GSK3B: variants seen among roughly 807,000 people sequenced by gnomAD.
The protein encoded by GSK3B is glycogen synthase kinase 3 beta.
A neutral mutation model predicts 56.4 loss-of-function variants in GSK3B; 15 were observed. The observed-to-expected ratio is 0.27, with a 90% CI of 0.18 to 0.41. GSK3B has a LOEUF of 0.41. GSK3B is among the 10% of genes least tolerant of loss of function. GSK3B has a pLI of 1.00. For synonymous variants in GSK3B, 181 were observed against 188.9 expected, an observed-to-expected ratio of 0.96 and a Z score of 0.34; for missense variants, 300 against 513.4, an observed-to-expected ratio of 0.58 and a Z score of 4.02.
intron 1 of GSK3B, among the ~76,000 whole-genome samples, chr3:120,045,791 G>A (rs1231020568): frequency 1.3e-5 from 2 of 152,186 alleles, no homozygotes; most frequent in Non-Finnish European, 2.9e-5. Context: ...AATGTTTACA[G>A]TAGTTTTACT....
At chr3:120,069,210 C>T (rs934555026) in intron 1 of GSK3B, among the ~76,000 whole-genome samples, 1 of 152,082 alleles carries the variant, frequency 6.6e-6, no homozygotes, top group Non-Finnish European at 1.5e-5. Flanking sequence ...AATCACTCTA[C>T]CTCAAGCTGT....
At chr3:119,905,381 A>T (rs2056672633) in intron 7 of GSK3B, among the ~76,000 whole-genome samples, 1 of 152,096 alleles carries the variant, frequency 6.6e-6, no homozygotes, top group South Asian at 2.1e-4. Flanking sequence ...TATGTGCTCC[A>T]CAGAGTATTA....
chr3:120,039,844 GA>G (rs1205159164), intron 1 of GSK3B, among the ~76,000 whole-genome samples: 1 of 152,168 alleles, frequency 6.6e-6, no homozygotes, highest in African/African-American at 2.4e-5. Context: ...GCCTTGCTGA[GA>G]AAACTTTTGG....
intron 10 of GSK3B, among the ~76,000 whole-genome samples, chr3:119,835,343 A>G (rs374699402): frequency 1.3e-4 from 20 of 152,358 alleles, no homozygotes; most frequent in African/African-American, 3.1e-4. Context: ...ATTTAGAAGA[A>G]TAAGTACAGC....
intron 4 of GSK3B, among the ~76,000 whole-genome samples, chr3:119,919,092 T>C (rs1044262217): frequency 2.0e-5 from 3 of 152,176 alleles, no homozygotes; most frequent in African/African-American, 7.2e-5. Flanking sequence ...TGTTTTAGAG[T>C]TGCATTTTAA....
intron 2 of GSK3B, among the ~76,000 whole-genome samples, chr3:119,950,665 A>G (rs968310442): frequency 2.0e-5 from 3 of 152,200 alleles, no homozygotes; most frequent in East Asian, 1.9e-4. Flanking sequence ...TGATGACAGT[A>G]GCAAATCTAC....
intron 6 of GSK3B, among the ~76,000 whole-genome samples, chr3:119,906,337 C>T (rs534463893): frequency 5.9e-5 from 9 of 151,858 alleles, no homozygotes; most frequent in South Asian, 2.1e-4. Context: ...TTATGTTCTA[C>T]GATGACTGAC....
rs1405836245 is a variant in GSK3B at position 119,822,483 on chromosome 3, A to C, written c.*4305T>G. On this transcript the variant is annotated 3_prime_UTR_variant, in exon 11 of 11. Coordinates refer to ENST00000264235, the MANE Select transcript of GSK3B (RefSeq NM_001146156.2). Reference sequence around the variant, plus strand: ...ACAAGGAAGTCTACTTTGTCAAGCTAACCCCTTATGTACTGGTTGTCATTT... The same window carrying C: ...ACAAGGAAGTCTACTTTGTCAAGCTCACCCCTTATGTACTGGTTGTCATTT... 1.3e-5 allele frequency: 3 copies of C among 225,204 alleles called. 1 individual carries two copies. The highest frequency in any genetic ancestry group is 2.7e-5 in the Non-Finnish European group (3 of 113,180). The allele number at this position is 225,204 out of a possible 1,614,324, so 14.0% of individuals were successfully genotyped here.
At chr3:119,987,306 C>A (rs1296215421) in intron 2 of GSK3B, among the ~76,000 whole-genome samples, 5 of 152,044 alleles carry the variant, frequency 3.3e-5, no homozygotes, top group African/African-American at 4.8e-5. Flanking sequence ...TGCACATGTA[C>A]CCTAGAACTT....
chr3:119,922,753 C>G (rs1437278683), intron 4 of GSK3B, among the ~76,000 whole-genome samples: 1 of 151,898 alleles, frequency 6.6e-6, no homozygotes, highest in Non-Finnish European at 1.5e-5. Context: ...TCAAACTTAA[C>G]TACTAGTTTT....
intron 3 of GSK3B, among the ~76,000 whole-genome samples, chr3:119,928,117 T>C (rs2056905966): frequency 6.6e-6 from 1 of 152,092 alleles, no homozygotes; most frequent in Non-Finnish European, 1.5e-5. Flanking sequence ...AGATGAGGAA[T>C]AGGAGGTAGT....
chr3:119,971,762 C>T (rs1576239032), intron 2 of GSK3B, among the ~76,000 whole-genome samples: 2 of 149,774 alleles, frequency 1.3e-5, no homozygotes, highest in African/African-American at 4.9e-5. Flanking sequence ...CAGGCGCCCG[C>T]CACTACGCCC....
intron 7 of GSK3B, among the ~76,000 whole-genome samples, chr3:119,880,404 T>C (rs1026831761): frequency 1.3e-5 from 2 of 152,216 alleles, no homozygotes; most frequent in East Asian, 3.8e-4. Flanking sequence ...ATTTTGTGAA[T>C]TGTCTCTTCA....
At chr3:119,934,103 A>G (rs1226297654) in intron 3 of GSK3B, among the ~76,000 whole-genome samples, 2 of 152,242 alleles carry the variant, frequency 1.3e-5, no homozygotes, top group East Asian at 3.8e-4. Flanking sequence ...CTACTCCACC[A>G]TTAAGGAAAA....
chr3:119,898,691 C>T (rs1442395307), intron 7 of GSK3B, among the ~76,000 whole-genome samples: 1 of 152,060 alleles, frequency 6.6e-6, no homozygotes, highest in African/African-American at 2.4e-5. Context: ...TACGGTAATA[C>T]AGTAGTTTCC....
intron 10 of GSK3B, among the ~76,000 whole-genome samples, chr3:119,832,763 G>C (rs1220122592): frequency 6.6e-6 from 1 of 152,180 alleles, no homozygotes; most frequent in Non-Finnish European, 1.5e-5. Flanking sequence ...ATTTTATTCT[G>C]TGTGACATAA....
At chr3:119,905,090 T>A (rs1304682228) in intron 7 of GSK3B, among the ~76,000 whole-genome samples, 1 of 151,684 alleles carries the variant, frequency 6.6e-6, no homozygotes, top group Non-Finnish European at 1.5e-5. Flanking sequence ...TATTCTAAGA[T>A]AATATTTAAA....
chr3:119,936,641 C>A (rs2056997787), intron 3 of GSK3B, among the ~76,000 whole-genome samples: 1 of 151,750 alleles, frequency 6.6e-6, no homozygotes, highest in South Asian at 2.1e-4. Flanking sequence ...AGCCAATGCA[C>A]CTAGCCTTGG....
chr3:119,861,783 ATG>A (rs2056106618), intron 9 of GSK3B, among the ~76,000 whole-genome samples: 1 of 152,208 alleles, frequency 6.6e-6, no homozygotes, highest in Non-Finnish European at 1.5e-5. Context: ...TATACTTAGT[ATG>A]CGTAAGCACA....
Sources: allele counts gnomAD v4.1 joint callset (sites outside exome capture counted in the v4.1 genomes callset), GRCh38; gene constraint gnomAD v4.1.1; transcripts MANE v1.5; gene names NCBI Gene and HGNC (gene_info 2026-07-23, HGNC 2026-07-21).